DRG2: variants seen among roughly 807,000 people sequenced by gnomAD.
DRG2 encodes developmentally regulated GTP binding protein 2.
In DRG2, 36 loss-of-function variants were observed where a neutral mutation model predicts 53.4. That is an observed-to-expected ratio of 0.67 (90% CI 0.52 to 0.89). The LOEUF is 0.89. DRG2 is among the 40% of genes least tolerant of loss of function. The probability of loss-of-function intolerance (pLI) is 0.00; values close to 1 mark genes in which losing one functional copy is unlikely to be tolerated. For missense variants in DRG2, 342 were observed against 481.2 expected (o/e 0.71, Z 2.71); for synonymous variants, 167 against 192.1 (o/e 0.87, Z 1.08).
intron 7 of DRG2, 22 bp from the exon 8 acceptor site, chr17:18,101,471 G>T (rs552200131): frequency 2.5e-6 from 4 of 1,612,250 alleles, no homozygotes; most frequent in African/African-American, 2.7e-5. Flanking sequence ...TGCACAGGTT[G>T]CCCTTAATCG....
chr17:18,100,815 A>G lies in DRG2; in HGVS notation c.631+156A>G, dbSNP rs1490516086. On this transcript the variant is annotated intron_variant, in intron 7 of 12. Transcript: ENST00000225729. This position sits in a 1 kb window ranked among gnomAD's most constrained non-coding sequence, Gnocchi z 4.1. ...CAAGTAGCCTCTGGGCAAGCTCCAG[A>G]CTGCCAGGTCTGCAGCCGTGCACTT... 6.6e-6 allele frequency among the ~76,000 whole-genome samples: 1 copy of G among 152,168 alleles called. No individual in the cohort carries two copies.
In DRG2 at chr17:18,098,624, C is replaced by G. The variant is rs2045473660; in HGVS notation, c.315+265C>G. ...CCCCCTGTGCTCTCCTCCCCAACAC[C>G]ACCACAGCTCTGGTCACTAATTGCT... On this transcript the variant is annotated intron_variant, in intron 3 of 12. Transcript: ENST00000225729. The surrounding 1 kb of genome is among the most constrained non-coding windows in gnomAD (Gnocchi z 4.1). 2.1e-6 allele frequency: 1 copy of G among 479,846 alleles called. No individual in the cohort carries two copies. The highest frequency in any genetic ancestry group is 3.8e-6 in the Non-Finnish European group (1 of 263,384). The allele number at this position is 479,846 out of a possible 1,614,324, so 29.7% of individuals were successfully genotyped here. A position where few individuals can be genotyped will look rare whatever the true frequency, so the allele number is the denominator to read the frequency against.
At chr17:18,104,522 C>G in intron 10 of DRG2, 101 bp from the exon 11 acceptor site, 1 of 1,575,102 alleles carries the variant, frequency 6.3e-7, no homozygotes, top group Non-Finnish European at 8.6e-7. Flanking sequence ...GGCAAGGAGA[C>G]CGAAAGGGCC....
intron 8 of DRG2, 124 bp from the exon 9 acceptor site, chr17:18,101,797 G>A: frequency 8.1e-7 from 1 of 1,227,314 alleles, no homozygotes; most frequent in Non-Finnish European, 1.1e-6. Flanking sequence ...GAGGCAGCAA[G>A]GGGAGGAAGG....
chr17:18,097,152 T>C (rs1488654174), intron 2 of DRG2: 3 of 152,196 alleles, frequency 2.0e-5, no homozygotes, highest in African/African-American at 7.2e-5. Context: ...CCGAGGTTGG[T>C]TGCTGGCTGT....
intron 2 of DRG2, 172 bp downstream of exon 2, chr17:18,094,145 C>G (rs916615523): frequency 4.7e-6 from 4 of 843,714 alleles, no homozygotes; most frequent in Non-Finnish European, 5.3e-6. Context: ...GGAGGACGCT[C>G]TTTCCTCTTG....
At position 18,100,498 on chromosome 17, in the gene DRG2, G is replaced by A. The variant is rs752535919; in HGVS notation, c.540+63G>A. 89 of 1,613,626 alleles carry A rather than the reference G, an allele frequency of 5.5e-5. No individual in the cohort carries two copies. Among genetic ancestry groups the A allele is most frequent in the Non-Finnish European group, 6.8e-5 (80 of 1,179,500 alleles). On this transcript the variant is annotated intron_variant, in intron 6 of 12. Transcript: ENST00000225729. This position sits in a 1 kb window ranked among gnomAD's most constrained non-coding sequence, Gnocchi z 4.1. ...CAGTTTTGAGACTGCATTGGCTGGC[G>A]GCTGAGGCTGTGGGACCATTGCTGT...
intron 7 of DRG2, among the ~76,000 whole-genome samples, chr17:18,101,194 C>G (rs2045527898): frequency 6.6e-6 from 1 of 152,204 alleles, no homozygotes; most frequent in Non-Finnish European, 1.5e-5. Flanking sequence ...TCAGATGCTC[C>G]TGGTGCTAAA....
intron 8 of DRG2, 113 bp from the exon 9 acceptor site, chr17:18,101,808 G>T: frequency 7.7e-7 from 1 of 1,295,038 alleles, no homozygotes. Flanking sequence ...GGGAGGAAGG[G>T]CGTAGACTCA....
rs868173346 is a variant in DRG2 at position 18,100,475 on chromosome 17, G to C, written c.540+40G>C. The C allele has an allele frequency of 3.1e-6, 5 of 1,614,146 alleles. No homozygotes were observed. In the Middle Eastern group the frequency reaches 8.2e-4, roughly 266 times the overall value. On this transcript the variant is annotated intron_variant, in intron 6 of 12. Transcript: ENST00000225729. The surrounding 1 kb of genome is among the most constrained non-coding windows in gnomAD (Gnocchi z 4.1). ...TGGCCTTCAGGCCAGGGGTGTGGCAGTTTTGAGACTGCATTGGCTGGCGGC... is the reference window on the plus strand; with the variant it reads ...TGGCCTTCAGGCCAGGGGTGTGGCACTTTTGAGACTGCATTGGCTGGCGGC...
At position 18,093,850 on chromosome 17, in the gene DRG2, C is replaced by T. The variant is rs760508818; in HGVS notation, c.102C>T (p.Leu34=). Residue 34 remains leucine (L), a synonymous_variant, in exon 2 of 13, where the codon CTC becomes CTT. Coordinates refer to ENST00000225729, the MANE Select transcript of DRG2 (RefSeq NM_001388.5). ...ATCTGGGCCTGCTGAAAGCTAAGCT[C>T]GCCAAGTATCGGGCCCAGCTCCTGG... ...EYHLGLLKAK[L]AKYRAQLLEP... 1.9e-5 allele frequency: 30 copies of T among 1,614,026 alleles called. No individual in the cohort carries two copies. The highest frequency in any genetic ancestry group is 8.9e-5 in the East Asian group (4 of 44,878).
intron 1 of DRG2, among the ~76,000 whole-genome samples, chr17:18,090,406 A>ATATTTT (rs1555532983): frequency 4.4e-4 from 10 of 22,692 alleles, no homozygotes; most frequent in Admixed American, 8.3e-4. Flanking sequence ...ATATATATAT[A>ATATTTT]TTTTTTTTTT....
chr17:18,101,737 C>T, intron 8 of DRG2, 147 bp downstream of exon 8: 1 of 1,071,994 alleles, frequency 9.3e-7, no homozygotes, highest in East Asian at 2.6e-5. Context: ...TTGGATCTTG[C>T]AGACATAGAG....
intron 1 of DRG2, among the ~76,000 whole-genome samples, chr17:18,092,577 A>G (rs2045352145): frequency 6.6e-6 from 1 of 152,208 alleles, no homozygotes; most frequent in Non-Finnish European, 1.5e-5. Flanking sequence ...AAGAGTTTGT[A>G]ACACCATTTA....
At chr17:18,091,455 A>T (rs1221438679) in intron 1 of DRG2, among the ~76,000 whole-genome samples, 1 of 152,036 alleles carries the variant, frequency 6.6e-6, no homozygotes, top group Non-Finnish European at 1.5e-5. Context: ...GCATGGTGGC[A>T]CCAGCCTGTA....
In DRG2 at chr17:18,099,727, C is replaced by T. The variant is rs371835143; in HGVS notation, c.467+4C>T. The T allele has an allele frequency of 1.3e-5, 21 of 1,598,880 alleles. No homozygotes were observed. The highest frequency in any genetic ancestry group is 6.8e-5 in the South Asian group (6 of 88,086). ...CCACCAAGGGAGAGGTGCAGAGGTC[C>T]GCAGGGTGGGGCATGGGGCAGGCTC... On this transcript the variant is annotated splice_donor_region_variant and intron_variant, in intron 5 of 12. Coordinates refer to ENST00000225729, the MANE Select transcript of DRG2 (RefSeq NM_001388.5). The surrounding 1 kb of genome is among the most constrained non-coding windows in gnomAD (Gnocchi z 4.4).
chr17:18,090,393 TA>T (rs1567598070), intron 1 of DRG2, among the ~76,000 whole-genome samples: 23 of 15,262 alleles, frequency 1.5e-3, no homozygotes, highest in African/African-American at 8.1e-3. Flanking sequence ...TATATATATA[TA>T]TATATATATA....
At chr17:18,104,888 G>A (rs1020691500) in intron 11 of DRG2, among the ~76,000 whole-genome samples, 2 of 152,220 alleles carry the variant, frequency 1.3e-5, no homozygotes, top group African/African-American at 4.8e-5. Context: ...TCTACTGTGA[G>A]GGGGGTGTGC....
At chr17:18,104,818 T>G in intron 11 of DRG2, 137 bp downstream of exon 11, 1 of 1,440,148 alleles carries the variant, frequency 6.9e-7, no homozygotes. Flanking sequence ...GCTCTGGAGT[T>G]GGACAGCCTG....
Sources: gnomAD v4.1 joint callset for allele counts (sites outside exome capture counted in the v4.1 genomes callset) on GRCh38, gnomAD v4.1.1 for gene constraint, Gnocchi (gnomAD v3.1) non-coding constraint, MANE v1.5 for transcripts, NCBI Gene and HGNC (gene_info 2026-07-23, HGNC 2026-07-21) for gene names.